The following PAPPA2 variants were observed in gnomAD, a reference collection of about 807,000 sequenced individuals.
PAPPA2 encodes the protein pappalysin 2.
Under a neutral mutation model 176.4 loss-of-function variants are expected in PAPPA2, and 86 were observed. That is an observed-to-expected ratio of 0.49 (90% CI 0.41 to 0.58). The LOEUF (loss-of-function observed/expected upper bound fraction) is 0.58, where lower values mean the gene tolerates loss of function less well. PAPPA2 is among the 20% of genes least tolerant of loss of function. The pLI is 0.00. For synonymous variants in PAPPA2, 809 were observed against 852.2 expected (o/e 0.95, Z 0.88); for missense variants, 2,073 against 2,256.9 (o/e 0.92, Z 1.65).
At chr1:176,548,619 G>A (rs1336734394) in intron 1 of PAPPA2, among the ~76,000 whole-genome samples, 1 of 152,080 alleles carries the variant, frequency 6.6e-6, no homozygotes, top group Non-Finnish European at 1.5e-5. Flanking sequence ...GAGAGCTCTG[G>A]AAACGCGCAG....
chr1:176,606,723 A>G (rs1392633083), intron 3 of PAPPA2, among the ~76,000 whole-genome samples: 1 of 152,078 alleles, frequency 6.6e-6, no homozygotes. Context: ...TTAGCCTCCC[A>G]AAGTGCTGGG....
At chr1:176,623,558 C>G (rs1019791144) in intron 3 of PAPPA2, among the ~76,000 whole-genome samples, 1 of 77,340 alleles carries the variant, frequency 1.3e-5, no homozygotes, top group East Asian at 2.5e-4. Context: ...TGCATTTTCC[C>G]CTTCCTTCCT....
chr1:176,752,166 G>A (rs1326466363), intron 14 of PAPPA2, among the ~76,000 whole-genome samples: 1 of 136,236 alleles, frequency 7.3e-6, no homozygotes, highest in Non-Finnish European at 1.6e-5. Flanking sequence ...CACAGGAAGG[G>A]GAATATCACA....
chr1:176,663,613 T>C (rs1207388975), intron 3 of PAPPA2, among the ~76,000 whole-genome samples: 1 of 152,076 alleles, frequency 6.6e-6, no homozygotes, highest in East Asian at 1.9e-4. Context: ...TAACTTTATA[T>C]TTATATATTA....
At chr1:176,809,369 G>A (rs1310772975) in intron 21 of PAPPA2, among the ~76,000 whole-genome samples, 1 of 152,180 alleles carries the variant, frequency 6.6e-6, no homozygotes, top group Non-Finnish European at 1.5e-5. Context: ...AATGGAGGTG[G>A]AAAGTTGTAT....
chr1:176,797,915 A>G (rs1665517705), intron 20 of PAPPA2, among the ~76,000 whole-genome samples: 1 of 152,244 alleles, frequency 6.6e-6, no homozygotes, highest in Non-Finnish European at 1.5e-5. Context: ...TCATAGAAGA[A>G]GGCTAGAGAC....
At position 176,840,216 on chromosome 1, in the gene PAPPA2, C is replaced by T. The variant is rs1304871205; in HGVS notation, c.5246C>T (p.Ala1749Val). ...DGWCDTINNRAYCHYDGGDCC... is the reference protein window; with the variant it reads ...DGWCDTINNRVYCHYDGGDCC... ...TGGTGTGACACTATCAACAACCGAGCCTACTGCCACTATGACGGGGGAGAC... is the reference window on the plus strand; with the variant it reads ...TGGTGTGACACTATCAACAACCGAGTCTACTGCCACTATGACGGGGGAGAC... Residue 1749 changes from alanine (A) to valine (V), a missense_variant, in exon 22 of 23, where the codon GCC (alanine) becomes GTC (valine). Ala to Val is a moderately conservative substitution (Grantham distance 64). Transcript: ENST00000367662. The T allele has an allele frequency of 2.5e-6, 4 of 1,613,324 alleles. No individual in the cohort carries two copies. The highest frequency in any genetic ancestry group is 3.4e-6 in the Non-Finnish European group (4 of 1,179,658).
chr1:176,758,399 A>G (rs1391063225), intron 14 of PAPPA2, among the ~76,000 whole-genome samples: 1 of 152,184 alleles, frequency 6.6e-6, no homozygotes, highest in Non-Finnish European at 1.5e-5. Flanking sequence ...ATAAATAGCA[A>G]AGCTATCTAA....
chr1:176,533,869 C>T (rs943554421), intron 1 of PAPPA2, among the ~76,000 whole-genome samples: 2 of 152,146 alleles, frequency 1.3e-5, no homozygotes, highest in African/African-American at 4.8e-5. Flanking sequence ...ACTAGCTGCA[C>T]GTAGCTATTG....
intron 17 of PAPPA2, among the ~76,000 whole-genome samples, chr1:176,788,242 A>G (rs1239339278): frequency 6.6e-6 from 1 of 152,218 alleles, no homozygotes; most frequent in Non-Finnish European, 1.5e-5. Flanking sequence ...GTTCTTGGGA[A>G]TTACAAACAA....
chr1:176,580,386 G>A (rs767144322), intron 2 of PAPPA2, among the ~76,000 whole-genome samples: 2 of 152,020 alleles, frequency 1.3e-5, no homozygotes, highest in South Asian at 4.1e-4. Context: ...TTTATATACT[G>A]CATCTTCTTT....
At chr1:176,478,772 C>T (rs771933892) in intron 1 of PAPPA2, among the ~76,000 whole-genome samples, 5 of 152,206 alleles carry the variant, frequency 3.3e-5, no homozygotes, top group African/African-American at 4.8e-5. Flanking sequence ...AGTAATCTCG[C>T]TCAACCATTG....
At chr1:176,737,801 G>A (rs745722668) in intron 12 of PAPPA2, among the ~76,000 whole-genome samples, 2 of 152,058 alleles carry the variant, frequency 1.3e-5, no homozygotes, top group Non-Finnish European at 2.9e-5. Context: ...AGGCAGCGAC[G>A]TTCAAAAGGT....
intron 1 of PAPPA2, among the ~76,000 whole-genome samples, chr1:176,543,244 C>T (rs1189516987): frequency 1.3e-5 from 2 of 152,146 alleles, no homozygotes; most frequent in African/African-American, 4.8e-5. Context: ...ACCTATTCTT[C>T]CATATGTGTG....
At chr1:176,511,121 G>C (rs1648574741) in intron 1 of PAPPA2, among the ~76,000 whole-genome samples, 1 of 152,012 alleles carries the variant, frequency 6.6e-6, no homozygotes, top group Admixed American at 6.6e-5. Context: ...ATAGTTTTGT[G>C]TTGTCTATAA....
intron 3 of PAPPA2, among the ~76,000 whole-genome samples, chr1:176,645,762 G>A (rs1657362436): frequency 6.6e-6 from 1 of 151,496 alleles, no homozygotes. Flanking sequence ...GTTGTTGTCT[G>A]TCTTTTTGAT....
chr1:176,563,989 T>C (rs561565791), intron 2 of PAPPA2, among the ~76,000 whole-genome samples: 1 of 152,306 alleles, frequency 6.6e-6, no homozygotes, highest in Middle Eastern at 3.4e-3. Context: ...CTCTTTTTTT[T>C]CCTTCAGAGT....
intron 2 of PAPPA2, among the ~76,000 whole-genome samples, chr1:176,583,395 T>C (rs909482420): frequency 6.6e-6 from 1 of 152,148 alleles, no homozygotes; most frequent in African/African-American, 2.4e-5. Context: ...TTGGCTGTGT[T>C]CCATAGGTTT....
intron 14 of PAPPA2, among the ~76,000 whole-genome samples, chr1:176,764,885 C>A (rs1172640014): frequency 1.3e-5 from 2 of 152,128 alleles, no homozygotes; most frequent in Non-Finnish European, 2.9e-5. Flanking sequence ...CGTGAGCCAC[C>A]GCATCCGGCC....
Sources: allele counts gnomAD v4.1 joint callset (sites outside exome capture counted in the v4.1 genomes callset), GRCh38; gene constraint gnomAD v4.1.1; transcripts MANE v1.5; gene names NCBI Gene and HGNC (gene_info 2026-07-23, HGNC 2026-07-21).